The following SNX29 variants were observed in gnomAD, a reference collection of about 807,000 sequenced individuals.
The protein encoded by SNX29 is sorting nexin 29.
A neutral mutation model predicts 102.1 loss-of-function variants in SNX29; 78 were observed. The observed-to-expected ratio is 0.76, with a 90% CI of 0.64 to 0.92. The LOEUF (loss-of-function observed/expected upper bound fraction) is 0.92, where lower values mean the gene tolerates loss of function less well. Among genes scored for constraint, SNX29 ranks in the 40% least tolerant of loss-of-function variants. SNX29 has a pLI of 0.00. For missense variants in SNX29, 1,280 were observed against 1,061.7 expected, an observed-to-expected ratio of 1.21 and a Z score of -2.86; for synonymous variants, 580 against 414.5, an observed-to-expected ratio of 1.40 and a Z score of -4.85.
At chr16:12,034,653 A>G (rs1298117513) in intron 4 of SNX29, among the ~76,000 whole-genome samples, 1 of 152,172 alleles carries the variant, frequency 6.6e-6, no homozygotes, top group Non-Finnish European at 1.5e-5. Context: ...CAGCATGTTA[A>G]GATCTAGTGG....
intron 16 of SNX29, among the ~76,000 whole-genome samples, chr16:12,385,638 CTG>C (rs1316208846): frequency 6.6e-6 from 1 of 152,220 alleles, no homozygotes; most frequent in Non-Finnish European, 1.5e-5. Context: ...TGTGCATCAG[CTG>C]TCCCCAAACC....
At chr16:12,035,323 T>C (rs112898747) in intron 4 of SNX29, among the ~76,000 whole-genome samples, 1 of 151,212 alleles carries the variant, frequency 6.6e-6, no homozygotes, top group African/African-American at 2.4e-5. Context: ...GCGATCCTCC[T>C]ACTTCGGCCT....
intron 13 of SNX29, among the ~76,000 whole-genome samples, chr16:12,161,024 C>T (rs867702426): frequency 7.9e-5 from 12 of 152,352 alleles, no homozygotes; most frequent in Middle Eastern, 3.4e-3. Flanking sequence ...TGACATGCTA[C>T]AGCTGATCAA....
At chr16:12,023,181 G>A (rs989565190) in intron 3 of SNX29, among the ~76,000 whole-genome samples, 3 of 151,964 alleles carry the variant, frequency 2.0e-5, no homozygotes, top group Non-Finnish European at 2.9e-5. Context: ...ATAGGTGTGA[G>A]CTACTGCACC....
chr16:12,164,621 T>C (rs2141692391), intron 13 of SNX29, among the ~76,000 whole-genome samples: 1 of 152,072 alleles, frequency 6.6e-6, no homozygotes, highest in Non-Finnish European at 1.5e-5. Context: ...GGCTTGGATT[T>C]AATCATGGGA....
Position 12,570,073 on chromosome 16 carries a change from A to T in SNX29, c.*1444A>T. On this transcript the variant is annotated 3_prime_UTR_variant, in exon 21 of 21. Coordinates refer to ENST00000566228, the MANE Select transcript of SNX29 (RefSeq NM_032167.5). ...AGGACATCTCTGGAGAATCATCTGG[A>T]AGGTTTATACTGTGCCTTCCCCTCG... The T allele has an allele frequency of 4.3e-6, 3 of 694,724 alleles. No individual in the cohort carries two copies. The highest frequency in any genetic ancestry group is 5.5e-6 in the Non-Finnish European group (3 of 541,226). The allele number at this position is 694,724 out of a possible 1,614,324, so 43.0% of individuals were successfully genotyped here. A position where few individuals can be genotyped will look rare whatever the true frequency, so the allele number is the denominator to read the frequency against.
chr16:12,397,498 C>A (rs192791627), intron 16 of SNX29, among the ~76,000 whole-genome samples: 3 of 152,072 alleles, frequency 2.0e-5, no homozygotes, highest in Non-Finnish European at 4.4e-5. Flanking sequence ...GTGTGGAAAC[C>A]CTGAGAGGTA....
chr16:12,560,354 A>T (rs1013369574), intron 20 of SNX29, among the ~76,000 whole-genome samples: 2 of 152,140 alleles, frequency 1.3e-5, no homozygotes, highest in East Asian at 1.9e-4. Context: ...ATTTACATTC[A>T]TCTGGTGACA....
At chr16:12,161,978 C>T (rs993738506) in intron 13 of SNX29, among the ~76,000 whole-genome samples, 1 of 152,214 alleles carries the variant, frequency 6.6e-6, no homozygotes, top group African/African-American at 2.4e-5. Flanking sequence ...TACAGTCTTT[C>T]CACAATTGTC....
intron 20 of SNX29, among the ~76,000 whole-genome samples, chr16:12,541,192 T>G (rs554958359): frequency 1.3e-5 from 2 of 152,264 alleles, no homozygotes; most frequent in East Asian, 1.9e-4. Flanking sequence ...TTGTCTATCC[T>G]GAAGTATTAT....
chr16:12,270,997 C>T (rs888909090), intron 14 of SNX29, among the ~76,000 whole-genome samples: 4 of 152,078 alleles, frequency 2.6e-5, no homozygotes, highest in Admixed American at 6.6e-5. Context: ...GAGTCAAGAT[C>T]GCGCCACTGC....
intron 13 of SNX29, among the ~76,000 whole-genome samples, chr16:12,156,944 G>T (rs1268196481): frequency 6.6e-6 from 1 of 152,166 alleles, no homozygotes; most frequent in East Asian, 1.9e-4. Flanking sequence ...GGGCAGGGAG[G>T]CCCCTGTTTT....
At chr16:12,194,929 G>A (rs1456785488) in intron 13 of SNX29, among the ~76,000 whole-genome samples, 1 of 152,066 alleles carries the variant, frequency 6.6e-6, no homozygotes, top group Non-Finnish European at 1.5e-5. Flanking sequence ...ATCTGGCCTG[G>A]GGGTATTTCT....
intron 13 of SNX29, among the ~76,000 whole-genome samples, chr16:12,171,795 C>T (rs1384667415): frequency 6.6e-6 from 1 of 152,238 alleles, no homozygotes; most frequent in Non-Finnish European, 1.5e-5. Context: ...TGTACTCAGC[C>T]TCTAATGTCT....
chr16:12,003,117 C>T lies in SNX29; in HGVS notation c.122+74C>T, dbSNP rs575580110. 11 of 1,582,562 alleles carry T rather than the reference C, an allele frequency of 7.0e-6. No homozygotes were observed. In the African/African-American group the frequency reaches 8.1e-5, roughly 12 times the overall value. On this transcript the variant is annotated intron_variant, in intron 3 of 20. Coordinates refer to ENST00000566228, the MANE Select transcript of SNX29 (RefSeq NM_032167.5). Reference sequence around the variant, plus strand: ...GCAGAAGGTGGCCGGCTTCTAAAACCGTTGACCATCGAGGTTGGAAAGGCG... The same window carrying T: ...GCAGAAGGTGGCCGGCTTCTAAAACTGTTGACCATCGAGGTTGGAAAGGCG...
intron 19 of SNX29, among the ~76,000 whole-genome samples, chr16:12,520,974 G>A (rs535624101): frequency 5.9e-5 from 9 of 152,054 alleles, no homozygotes; most frequent in Admixed American, 1.3e-4. Flanking sequence ...TGAGGTGGGC[G>A]GATCACTTGA....
At position 12,048,015 on chromosome 16, in the gene SNX29, G is replaced by C. The variant is rs187552791; in HGVS notation, c.500-357G>C. ...GCCGGGATTCACTCCCAGGCAGCCT[G>C]ATCCCGGAACTTGTGCCTTTACCTC... is the stretch of plus-strand genomic sequence containing the variant. On this transcript the variant is annotated intron_variant, in intron 6 of 20. Transcript: ENST00000566228. Among the ~76,000 whole-genome samples the C allele has an allele frequency of 4.6e-5, 7 of 152,182 alleles. No homozygotes were observed. In the East Asian group the frequency reaches 1.4e-3, roughly 29 times the overall value.
intron 18 of SNX29, among the ~76,000 whole-genome samples, chr16:12,409,083 A>G (rs1205435988): frequency 6.6e-6 from 1 of 152,230 alleles, no homozygotes; most frequent in East Asian, 1.9e-4. Context: ...TTCAGGACAA[A>G]GTAATATCTG....
intron 18 of SNX29, among the ~76,000 whole-genome samples, chr16:12,404,041 G>A (rs1215004034): frequency 6.6e-6 from 1 of 152,166 alleles, no homozygotes; most frequent in African/African-American, 2.4e-5. Flanking sequence ...GGGGTTGGGT[G>A]ACGGACTCTG....
Sources: gnomAD v4.1 joint callset for allele counts (sites outside exome capture counted in the v4.1 genomes callset) on GRCh38, gnomAD v4.1.1 for gene constraint, MANE v1.5 for transcripts, NCBI Gene and HGNC (gene_info 2026-07-23, HGNC 2026-07-21) for gene names.